ARHGAP25: variants seen among roughly 807,000 people sequenced by gnomAD.
The protein encoded by ARHGAP25 is rho GTPase-activating protein 25.
A neutral mutation model predicts 71.0 loss-of-function variants in ARHGAP25; 34 were observed. The ratio of observed to expected loss-of-function variants is 0.48; its 90% confidence interval spans 0.36 to 0.64. The LOEUF (loss-of-function observed/expected upper bound fraction) is 0.64. Ranked by LOEUF, ARHGAP25 falls within the 30% of genes least tolerant of loss-of-function variation. The pLI is 0.00. For missense variants in ARHGAP25, 706 were observed against 805.1 expected, an observed-to-expected ratio of 0.88 and a Z score of 1.49; for synonymous variants, 282 against 296.5, an observed-to-expected ratio of 0.95 and a Z score of 0.50.
rs143441938 is a variant in ARHGAP25 at position 68,826,400 on chromosome 2, C to T, written c.*206C>T. 1.2e-5 allele frequency: 8 copies of T among 681,614 alleles called. No individual in the cohort carries two copies. The African/African-American group carries it at 1.2e-4, about 10-fold the overall frequency. The allele number at this position is 681,614 out of a possible 1,614,324, so 42.2% of individuals were successfully genotyped here. On this transcript the variant is annotated 3_prime_UTR_variant, in exon 11 of 11. Transcript: ENST00000409202. Reference sequence around the variant, plus strand: ...ATGTGTGTGGACATCTCTGACCATCCATCGCTGTATTCAAATGGATTGTTT... The same window carrying T: ...ATGTGTGTGGACATCTCTGACCATCTATCGCTGTATTCAAATGGATTGTTT...
intron 1 of ARHGAP25, among the ~76,000 whole-genome samples, chr2:68,738,129 C>A (rs1413159757): frequency 6.6e-6 from 1 of 152,194 alleles, no homozygotes; most frequent in African/African-American, 2.4e-5. Flanking sequence ...GCCAAGAGCA[C>A]ACACTTCTTC....
Position 68,807,175 on chromosome 2 carries a change from A to G in ARHGAP25, c.467-98A>G, listed in dbSNP as rs564198555. ...CCATATTTTGTCTAGTATCATTGCA[A>G]TAAAACCTGTGAAGACACAGGTGAC... On this transcript the variant is annotated intron_variant, in intron 4 of 10. Transcript: ENST00000409202. 3.0e-4 allele frequency: 364 copies of G among 1,203,374 alleles called. 2 individuals are homozygous for G. The highest frequency in any genetic ancestry group is 4.2e-4 in the Non-Finnish European group (347 of 824,458). 74.5% of individuals were successfully genotyped at this position (1,203,374 alleles called of 1,614,324 possible).
intron 2 of ARHGAP25, among the ~76,000 whole-genome samples, chr2:68,725,334 A>G (rs576665851): frequency 6.6e-6 from 1 of 152,168 alleles, no homozygotes; most frequent in Non-Finnish European, 1.5e-5. Context: ...AATAATAATA[A>G]TAATTATTGA....
chr2:68,730,185 A>T (rs1436275386), upstream of ARHGAP25, among the ~76,000 whole-genome samples: 2 of 152,274 alleles, frequency 1.3e-5, no homozygotes, highest in Non-Finnish European at 2.9e-5. Flanking sequence ...TTACATGTAC[A>T]CATGAGTAGA....
chr2:68,755,362 C>G (rs756220904), intron 1 of ARHGAP25, among the ~76,000 whole-genome samples: 12 of 152,094 alleles, frequency 7.9e-5, no homozygotes, highest in Non-Finnish European at 1.6e-4. Context: ...TTTTATCACT[C>G]AGAGAAAAGT....
rs566334394 is a variant in ARHGAP25, at chr2:68,799,765, G to T, written c.467-7508G>T. ...TGCTGGGGGAAGAAGGGCCGGGAGG[G>T]CTGGGGCAGGTGCAGACAGATCCCA... On this transcript the variant is annotated intron_variant, in intron 4 of 10. Transcript: ENST00000409202. 2.8e-4 allele frequency among the ~76,000 whole-genome samples: 43 copies of T among 152,334 alleles called. 1 individual carries two copies. The highest frequency in any genetic ancestry group is 9.1e-4 in the African/African-American group (38 of 41,580).
At chr2:68,818,893 T>G (rs1448358396) in intron 8 of ARHGAP25, among the ~76,000 whole-genome samples, 1 of 152,262 alleles carries the variant, frequency 6.6e-6, no homozygotes, top group Non-Finnish European at 1.5e-5. Context: ...ATTGGCTCCC[T>G]CTGAAACAGC....
intron 2 of ARHGAP25, among the ~76,000 whole-genome samples, chr2:68,727,459 G>C (rs115835517): frequency 6.6e-6 from 1 of 152,272 alleles, no homozygotes; most frequent in African/African-American, 2.4e-5. Flanking sequence ...TAGGGCACTT[G>C]ATCTGCCTCA....
At chr2:68,716,927 G>GT (rs1674624730) in intron 2 of ARHGAP25, among the ~76,000 whole-genome samples, 1 of 152,138 alleles carries the variant, frequency 6.6e-6, no homozygotes, top group Non-Finnish European at 1.5e-5. Context: ...ATTTTTCGCA[G>GT]TATTTGTTTT....
intron 1 of ARHGAP25, among the ~76,000 whole-genome samples, chr2:68,754,156 T>C (rs2104323929): frequency 6.6e-6 from 1 of 152,184 alleles, no homozygotes; most frequent in East Asian, 1.9e-4. Flanking sequence ...TGCAATCAGG[T>C]GGGTTTTGTT....
intron 1 of ARHGAP25, among the ~76,000 whole-genome samples, chr2:68,736,797 C>T (rs1015039388): frequency 2.6e-5 from 4 of 152,080 alleles, no homozygotes; most frequent in African/African-American, 9.7e-5. Flanking sequence ...ACCATCCTTA[C>T]AAAATCAGAA....
chr2:68,822,954 G>A (rs910535906), intron 10 of ARHGAP25, 82 bp downstream of exon 10: 1 of 1,402,768 alleles, frequency 7.1e-7, no homozygotes, highest in African/African-American at 1.4e-5. Flanking sequence ...CGCCAGAGAA[G>A]TCACATCATA....
intron 3 of ARHGAP25, among the ~76,000 whole-genome samples, chr2:68,783,893 T>C (rs1641247258): frequency 6.6e-6 from 1 of 152,172 alleles, no homozygotes; most frequent in African/African-American, 2.4e-5. Context: ...ATTCTGTTCT[T>C]AGGATGCTTC....
intron 1 of ARHGAP25, among the ~76,000 whole-genome samples, chr2:68,738,392 A>T (rs1382367434): frequency 6.6e-6 from 1 of 152,154 alleles, no homozygotes; most frequent in Non-Finnish European, 1.5e-5. Flanking sequence ...CAGTTTCAGG[A>T]GAATCCTGAA....
chr2:68,780,958 T>C (rs1678290348), intron 2 of ARHGAP25, among the ~76,000 whole-genome samples: 1 of 152,218 alleles, frequency 6.6e-6, no homozygotes, highest in Non-Finnish European at 1.5e-5. Context: ...TATGAATAAC[T>C]AGATCCAGTG....
At chr2:68,791,825 C>G (rs1032502305) in intron 4 of ARHGAP25, among the ~76,000 whole-genome samples, 13 of 152,138 alleles carry the variant, frequency 8.5e-5, no homozygotes, top group Non-Finnish European at 4.4e-5. Context: ...ACTTCTTCCT[C>G]AGGGCTCCTC....
chr2:68,719,698 G>A (rs1674706814), intron 2 of ARHGAP25, among the ~76,000 whole-genome samples: 1 of 152,042 alleles, frequency 6.6e-6, no homozygotes, highest in African/African-American at 2.4e-5. Context: ...TTTAACAAGT[G>A]CCTGCTATGA....
At chr2:68,796,321 A>T (rs572317007) in intron 4 of ARHGAP25, among the ~76,000 whole-genome samples, 42 of 152,244 alleles carry the variant, frequency 2.8e-4, no homozygotes, top group African/African-American at 7.9e-4. Context: ...TGGATTCTTT[A>T]TCTGGGATTT....
intron 4 of ARHGAP25, among the ~76,000 whole-genome samples, chr2:68,802,544 T>G (rs1329579157): frequency 6.6e-6 from 1 of 152,152 alleles, no homozygotes; most frequent in African/African-American, 2.4e-5. Flanking sequence ...GCTTTGTATT[T>G]TCAGTGCCTA....
Sources: gnomAD v4.1 joint callset for allele counts (sites outside exome capture counted in the v4.1 genomes callset) on GRCh38, gnomAD v4.1.1 for gene constraint, MANE v1.5 for transcripts, NCBI Gene and HGNC (gene_info 2026-07-23, HGNC 2026-07-21) for gene names.